MRO: variants seen among roughly 807,000 people sequenced by gnomAD.
MRO encodes maestro, also known as protein maestro.
In MRO, 28 loss-of-function variants were observed where a neutral mutation model predicts 31.0. The observed-to-expected ratio is 0.90, with a 90% confidence interval of 0.67 to 1.24. The LOEUF is 1.24. Among genes scored for constraint, MRO ranks in the 50% most tolerant of loss-of-function variants. MRO has a pLI of 0.00. For missense variants in MRO, 332 were observed against 289.2 expected, an observed-to-expected ratio of 1.15 and a Z score of -1.07; for synonymous variants, 108 against 108.4, an observed-to-expected ratio of 1.00 and a Z score of 0.02.
chr18:50,810,769 G>A lies in MRO; in HGVS notation c.-4-1365C>T, dbSNP rs987483836. Among the ~76,000 whole-genome samples the A allele has an allele frequency of 2.6e-5, 4 of 152,196 alleles. 1 individual carries two copies. Among genetic ancestry groups the A allele is most frequent in the Admixed American group, 2.0e-4 (3 of 15,284 alleles). On this transcript the variant is annotated intron_variant, in intron 2 of 7. Transcript: ENST00000398439. ...TTCAGTGTGTCTGCAGCGGGAACTCGAGATTCTGCCTTTCTTCCAAGCTCC... is the reference window on the plus strand; with the variant it reads ...TTCAGTGTGTCTGCAGCGGGAACTCAAGATTCTGCCTTTCTTCCAAGCTCC...
chr18:50,806,019 G>C (rs552181702), intron 4 of MRO, among the ~76,000 whole-genome samples: 246 of 151,798 alleles, frequency 1.6e-3, no homozygotes, highest in African/African-American at 5.8e-3. Flanking sequence ...GGAGTGCCTG[G>C]TGTGATCTCT....
At chr18:50,815,639 AG>A in intron 2 of MRO, 1 of 348,402 alleles carries the variant, frequency 2.9e-6, no homozygotes, top group Non-Finnish European at 5.7e-6. Context: ...AATGCATGAA[AG>A]GGGGCAGTTT....
chr18:50,815,565 T>C, intron 2 of MRO: 2 of 295,696 alleles, frequency 6.8e-6, no homozygotes, highest in South Asian at 6.9e-5. Flanking sequence ...ATTGAAATTT[T>C]GGTGGTGGTA....
chr18:50,798,664 A>G lies in MRO; in HGVS notation c.*673T>C, dbSNP rs545713559. The G allele has an allele frequency of 6.6e-6, 1 of 152,146 alleles. No homozygotes were observed. Among genetic ancestry groups the G allele is most frequent in the Non-Finnish European group, 1.5e-5 (1 of 68,046 alleles). The allele number at this position is 152,146 out of a possible 1,614,324, so 9.4% of individuals were successfully genotyped here. Reference sequence around the variant, plus strand: ...TGACCGTGCCCACTGAATTGTAAGCACTCGGTGTTACCTACTATTGTTATC... The same window carrying G: ...TGACCGTGCCCACTGAATTGTAAGCGCTCGGTGTTACCTACTATTGTTATC... On this transcript the variant is annotated 3_prime_UTR_variant, in exon 8 of 8. Coordinates refer to ENST00000398439, the MANE Select transcript of MRO (RefSeq NM_031939.6).
chr18:50,824,855 A>G (rs1214381472), upstream of MRO, among the ~76,000 whole-genome samples: 1 of 150,384 alleles, frequency 6.6e-6, no homozygotes, highest in African/African-American at 2.4e-5. Context: ...CGGGAGGATC[A>G]CCTGAGGTCA....
At chr18:50,800,483 T>C (rs1329154609) in intron 6 of MRO, among the ~76,000 whole-genome samples, 1 of 152,246 alleles carries the variant, frequency 6.6e-6, no homozygotes, top group East Asian at 1.9e-4. Context: ...CCCAATTGTT[T>C]TGAAACGTTC....
In MRO at chr18:50,819,440, A is replaced by C. The variant is rs1047300548; in HGVS notation, c.-5+141T>G. ...TTGCCCACTTCAGTTTTACAAAGAG[A>C]ACATTACCAAATCCTACCCCCTAGA... On this transcript the variant is annotated intron_variant, in intron 2 of 7. Transcript: ENST00000398439. 3 of 1,438,174 alleles carry C rather than the reference A, an allele frequency of 2.1e-6. No homozygotes were observed. The African/African-American group carries it at 4.3e-5, about 21-fold the overall frequency. 89.1% of individuals were successfully genotyped at this position (1,438,174 alleles called of 1,614,324 possible).
chr18:50,816,638 T>C (rs986546175), intron 2 of MRO, among the ~76,000 whole-genome samples: 4 of 152,228 alleles, frequency 2.6e-5, no homozygotes, highest in African/African-American at 9.7e-5. Flanking sequence ...AACCATGATC[T>C]AAATGGGTGC....
rs1273493835 is a variant in MRO at position 50,817,724 on chromosome 18, C to T, written c.-5+1857G>A. Among the ~76,000 whole-genome samples, 7 of 150,644 alleles carry T rather than the reference C, an allele frequency of 4.6e-5. No homozygotes were observed. In the South Asian group the frequency reaches 1.3e-3, roughly 27 times the overall value. ...TGGAAGTCAGGGAGGGAGCTGGGGCCGAGGGATGAGAAAGAGAAAGAGGTC... is the reference window on the plus strand; with the variant it reads ...TGGAAGTCAGGGAGGGAGCTGGGGCTGAGGGATGAGAAAGAGAAAGAGGTC... On this transcript the variant is annotated intron_variant, in intron 2 of 7. Coordinates refer to ENST00000398439, the MANE Select transcript of MRO (RefSeq NM_031939.6).
At chr18:50,824,517 C>T (rs548451899), upstream of MRO, among the ~76,000 whole-genome samples, 12 of 147,872 alleles carry the variant, frequency 8.1e-5, no homozygotes, top group East Asian at 6.2e-4. Flanking sequence ...TGCAATATTG[C>T]GATCTCGGCT....
chr18:50,799,994 C>A, intron 7 of MRO, 42 bp downstream of exon 7: 1 of 1,411,208 alleles, frequency 7.1e-7, no homozygotes, highest in African/African-American at 1.4e-5. Flanking sequence ...ACCAGGAGGG[C>A]AGGGACCGGA....
chr18:50,799,767 C>T (rs190613634), intron 7 of MRO, among the ~76,000 whole-genome samples: 34 of 152,076 alleles, frequency 2.2e-4, no homozygotes, highest in African/African-American at 8.0e-4. Flanking sequence ...AAAAATTAGC[C>T]GGGTGTGGTG....
intron 5 of MRO, among the ~76,000 whole-genome samples, chr18:50,803,773 G>A (rs1408727386): frequency 6.6e-6 from 1 of 152,226 alleles, no homozygotes; most frequent in Non-Finnish European, 1.5e-5. Context: ...CTCCCCTTCT[G>A]TCCTGCTGAC....
intron 2 of MRO, among the ~76,000 whole-genome samples, chr18:50,817,058 G>A (rs1914985808): frequency 6.6e-6 from 1 of 152,192 alleles, no homozygotes; most frequent in African/African-American, 2.4e-5. Context: ...ATAGGCGTAA[G>A]TAGAACTCAA....
chr18:50,807,876 G>T (rs929198238), intron 3 of MRO, among the ~76,000 whole-genome samples: 3 of 152,192 alleles, frequency 2.0e-5, no homozygotes, highest in Non-Finnish European at 4.4e-5. Flanking sequence ...TCAGGAGTTC[G>T]AGACTAGCCT....
chr18:50,825,271 A>T (rs1215269101), intron 1 of MRO: 1 of 152,192 alleles, frequency 6.6e-6, no homozygotes, highest in Non-Finnish European at 1.5e-5. Flanking sequence ...TGTCTAACAG[A>T]ATCAGTTGAG....
At chr18:50,815,146 C>T (rs1003255198) in intron 2 of MRO, 13 of 211,218 alleles carry the variant, frequency 6.2e-5, no homozygotes, top group Non-Finnish European at 1.1e-4. Context: ...TTTTGATGAT[C>T]ATGAAACAAA....
upstream of MRO, among the ~76,000 whole-genome samples, chr18:50,822,672 C>CT (rs1254802595): frequency 1.3e-5 from 2 of 152,048 alleles, no homozygotes; most frequent in Admixed American, 6.6e-5. Context: ...CTCTCATCTT[C>CT]TTTCAGGAAA....
intron 5 of MRO, among the ~76,000 whole-genome samples, chr18:50,803,339 T>G (rs1913587149): frequency 6.6e-6 from 1 of 151,826 alleles, no homozygotes; most frequent in Non-Finnish European, 1.5e-5. Flanking sequence ...AGACCCTATC[T>G]CTACAAAAAC....
Sources: allele counts gnomAD v4.1 joint callset (sites outside exome capture counted in the v4.1 genomes callset), GRCh38; gene constraint gnomAD v4.1.1; transcripts MANE v1.5; gene names NCBI Gene and HGNC (gene_info 2026-07-23, HGNC 2026-07-21).